The following LUC7L3 variants were observed in gnomAD, a reference collection of about 807,000 sequenced individuals.
The protein encoded by LUC7L3 is luc7-like protein 3.
A neutral mutation model predicts 66.8 loss-of-function variants in LUC7L3; 6 were observed. The ratio of observed to expected loss-of-function variants is 0.09; its 90% CI spans 0.05 to 0.18. The LOEUF (loss-of-function observed/expected upper bound fraction) is 0.18, where lower values mean the gene tolerates loss of function less well. Ranked by LOEUF, LUC7L3 falls within the 10% of genes least tolerant of loss-of-function variation. The pLI is 1.00. For synonymous variants in LUC7L3, 160 were observed against 174.7 expected (o/e 0.92, Z 0.66); for missense variants, 341 against 531.1 (o/e 0.64, Z 3.52).
chr17:50,735,057 C>A (rs1019533820), intron 1 of LUC7L3, among the ~76,000 whole-genome samples: 1 of 151,806 alleles, frequency 6.6e-6, no homozygotes, highest in Admixed American at 6.6e-5. Flanking sequence ...ATGGAGAAAC[C>A]CCATCTCTAC....
chr17:50,736,182 T>A (rs1268351724), intron 1 of LUC7L3, among the ~76,000 whole-genome samples: 1 of 152,162 alleles, frequency 6.6e-6, no homozygotes, highest in East Asian at 1.9e-4. Flanking sequence ...TGAAGTTTTG[T>A]GTGAAGGAAA....
intron 1 of LUC7L3, among the ~76,000 whole-genome samples, chr17:50,731,003 T>C (rs74254322): frequency 0.078 from 11,837 of 151,926 alleles, 452 homozygotes; most frequent in Non-Finnish European, 0.083. Flanking sequence ...GCCTTAAATT[T>C]ATTAAGAGGA....
chr17:50,735,469 T>G (rs1244473785), intron 1 of LUC7L3, among the ~76,000 whole-genome samples: 1 of 152,020 alleles, frequency 6.6e-6, no homozygotes, highest in Non-Finnish European at 1.5e-5. Flanking sequence ...CTTTCCCTTT[T>G]CCTTTTCGTT....
At chr17:50,731,009 G>A (rs1048267799) in intron 1 of LUC7L3, among the ~76,000 whole-genome samples, 2 of 151,446 alleles carry the variant, frequency 1.3e-5, no homozygotes, top group Non-Finnish European at 3.0e-5. Flanking sequence ...AATTTATTAA[G>A]AGGATAAGTT....
Position 50,734,071 on chromosome 17 carries a change from A to T in LUC7L3, c.100-2889A>T, listed in dbSNP as rs921263419. Among the ~76,000 whole-genome samples the T allele has an allele frequency of 3.9e-5, 6 of 152,226 alleles. No individual in the cohort carries two copies. In the East Asian group the frequency reaches 1.2e-3, roughly 29 times the overall value. ...CACAAGCAGTGGAACTTCAGAAATA[A>T]TTTTTAAAAACATTAGCTTTAGATA... On this transcript the variant is annotated intron_variant, in intron 1 of 9. Transcript: ENST00000505658.
At position 50,751,082 on chromosome 17, in the gene LUC7L3, A is replaced by C; in HGVS notation, c.*421A>C. 1 of 1,439,824 alleles carries C rather than the reference A, an allele frequency of 6.9e-7. No homozygotes were observed. Among genetic ancestry groups the C allele is most frequent in the Non-Finnish European group, 9.0e-7 (1 of 1,105,790 alleles). The allele number at this position is 1,439,824 out of a possible 1,614,324, so 89.2% of individuals were successfully genotyped here. ...TGTGTTGGTACATTGGCAGAGACAT[A>C]TGCTTTAAAAACTTAAATATTTCGG... On this transcript the variant is annotated 3_prime_UTR_variant, in exon 10 of 10. Transcript: ENST00000505658.
At chr17:50,725,973 A>G (rs1163847382) in intron 1 of LUC7L3, among the ~76,000 whole-genome samples, 1 of 152,214 alleles carries the variant, frequency 6.6e-6, no homozygotes, top group Non-Finnish European at 1.5e-5. Context: ...ATAATTTTGT[A>G]GCCACCTGTT....
At chr17:50,733,763 A>G (rs1969798274) in intron 1 of LUC7L3, among the ~76,000 whole-genome samples, 1 of 152,178 alleles carries the variant, frequency 6.6e-6, no homozygotes, top group Admixed American at 6.5e-5. Context: ...TTATTTTATA[A>G]CCATACAGTT....
chr17:50,739,251 G>C (rs1398025039), intron 2 of LUC7L3, among the ~76,000 whole-genome samples: 2 of 152,168 alleles, frequency 1.3e-5, no homozygotes, highest in Non-Finnish European at 2.9e-5. Context: ...AAGTAAGGCA[G>C]AAGGCCCATG....
intron 6 of LUC7L3, among the ~76,000 whole-genome samples, chr17:50,744,271 T>C (rs1410370163): frequency 2.0e-5 from 3 of 152,244 alleles, no homozygotes; most frequent in Admixed American, 6.5e-5. Flanking sequence ...TTGAATAGGA[T>C]ATGTTCAGAT....
chr17:50,729,920 ATATATATATATATATATATATATATG>A (rs1184892023), intron 1 of LUC7L3, among the ~76,000 whole-genome samples: 348 of 33,154 alleles, frequency 0.01, 11 homozygotes, highest in African/African-American at 0.02. Context: ...ATATATATAT[ATATATATATATATATATATATATATG>A]TATGTATTTT....
chr17:50,732,621 A>G (rs1255754656), intron 1 of LUC7L3, among the ~76,000 whole-genome samples: 2 of 148,342 alleles, frequency 1.3e-5, no homozygotes, highest in African/African-American at 5.0e-5. Context: ...GGCTCAAATG[A>G]TCCTCCTGCT....
In LUC7L3 at chr17:50,745,903, A is replaced by G. The variant is rs1970640875; in HGVS notation, c.877A>G (p.Ser293Gly). The change falls in exon 8 of 10, where the codon AGT becomes GGT. Residue 293 changes from serine (S) to glycine (G), a missense_variant. By Grantham distance (56) the Ser-to-Gly change is moderately conservative (BLOSUM62 0). Around this residue, in one of 6 missense-constraint regions of LUC7L3, gnomAD observed 210 missense variants for 238.1 expected, o/e 0.88. Transcript: ENST00000505658. ...TCGTGACAGAGAAAGAAGAAAGAGA[A>G]GTCGTTCACGAAGTAGACACTCAAG... ...RARDRERRKRSRSRSRHSSRT... is the reference protein window; with the variant it reads ...RARDRERRKRGRSRSRHSSRT... 1 of 1,613,198 alleles carries G rather than the reference A, an allele frequency of 6.2e-7. No individual in the cohort carries two copies. Among genetic ancestry groups the G allele is most frequent in the South Asian group, 1.1e-5 (1 of 90,922 alleles).
Position 50,746,604 on chromosome 17 carries a change from G to C in LUC7L3, c.1040G>C (p.Ser347Thr), listed in dbSNP as rs772489923. Residue 347 changes from serine (S) to threonine (T), a missense_variant, in exon 9 of 10, where the codon AGT becomes ACT. Transcript: ENST00000505658. ...DRSERKHRSRSRDRRRSKSRD... is the reference protein window; with the variant it reads ...DRSERKHRSRTRDRRRSKSRD... ...TCAGAAAGAAAACACAGATCTCGAA[G>C]TCGGGATCGAAGAAGATCAAAAAGC... is the stretch of plus-strand genomic sequence containing the variant. 1.2e-6 allele frequency: 2 copies of C among 1,614,116 alleles called. No individual in the cohort carries two copies. The highest frequency in any genetic ancestry group is 3.3e-5 in the Admixed American group (2 of 60,008).
At chr17:50,739,754 G>A (rs893772134) in intron 2 of LUC7L3, among the ~76,000 whole-genome samples, 5 of 152,106 alleles carry the variant, frequency 3.3e-5, no homozygotes, top group Admixed American at 2.6e-4. Context: ...CATAATATAA[G>A]CACCAAGTGT....
rs1388189930 is a variant in LUC7L3, at chr17:50,751,016, T to G, written c.*355T>G. The G allele has an allele frequency of 7.0e-7, 1 of 1,435,626 alleles. No individual in the cohort carries two copies. The highest frequency in any genetic ancestry group is 3.0e-5 in the Admixed American group (1 of 33,688). The allele number at this position is 1,435,626 out of a possible 1,614,324, so 88.9% of individuals were successfully genotyped here. ...TTCTTTTTTTTTTTTAATAAAAAGGTTGAACTGTTTTTTTTTTTCTTTTTG... is the reference window on the plus strand; with the variant it reads ...TTCTTTTTTTTTTTTAATAAAAAGGGTGAACTGTTTTTTTTTTTCTTTTTG... On this transcript the variant is annotated 3_prime_UTR_variant, in exon 10 of 10. Coordinates refer to ENST00000505658, the MANE Select transcript of LUC7L3 (RefSeq NM_016424.5).
Position 50,752,328 on chromosome 17 carries a change from T to C in LUC7L3, c.*1667T>C. The C allele has an allele frequency of 1.3e-6, 1 of 776,892 alleles. No homozygotes were observed. Among genetic ancestry groups the C allele is most frequent in the Non-Finnish European group, 1.8e-6 (1 of 563,466 alleles). 48.1% of individuals were successfully genotyped at this position (776,892 alleles called of 1,614,324 possible). A position where few individuals can be genotyped will look rare whatever the true frequency, so the allele number is the denominator to read the frequency against. ...TATAAAGCTCAGTTAGTTTTTTTATTATTATTATTATTAAAAGTTAATTCA... is the reference window on the plus strand; with the variant it reads ...TATAAAGCTCAGTTAGTTTTTTTATCATTATTATTATTAAAAGTTAATTCA... On this transcript the variant is annotated 3_prime_UTR_variant, in exon 10 of 10. Transcript: ENST00000505658.
rs187531468 is a variant in LUC7L3, at chr17:50,738,819, C to T, written c.167-1487C>T. On this transcript the variant is annotated intron_variant, in intron 2 of 9. Coordinates refer to ENST00000505658, the MANE Select transcript of LUC7L3 (RefSeq NM_016424.5). ...AAAGGACATTCATCTTTAGGTTGAG[C>T]AGGTCCTACAAGTGATCAGGACAGT... Among the ~76,000 whole-genome samples, 11 of 152,044 alleles carry T rather than the reference C, an allele frequency of 7.2e-5. No individual in the cohort carries two copies. In the East Asian group the frequency reaches 2.1e-3, roughly 29 times the overall value.
chr17:50,738,793 T>G (rs1970159263), intron 2 of LUC7L3, among the ~76,000 whole-genome samples: 1 of 151,984 alleles, frequency 6.6e-6, no homozygotes, highest in Non-Finnish European at 1.5e-5. Context: ...TTTGCAGTAC[T>G]AAAGGACATT....
Sources: gnomAD v4.1 joint callset for allele counts (sites outside exome capture counted in the v4.1 genomes callset) on GRCh38, gnomAD v4.1.1 for gene constraint, gnomAD v4.1.1 regional missense constraint, MANE v1.5 for transcripts, NCBI Gene and HGNC (gene_info 2026-07-23, HGNC 2026-07-21) for gene names.